Variants in RP1 observed in about 807,000 individuals in gnomAD.
RP1 encodes the protein RP1 axonemal microtubule associated.
A neutral mutation model predicts 14.8 loss-of-function variants in RP1; 16 were observed. The observed-to-expected ratio is 1.08, with a 90% CI of 0.73 to 1.65. RP1 has a LOEUF of 1.65. Among genes scored for constraint, RP1 ranks in the 40% most tolerant of loss-of-function variants. The pLI, the probability that RP1 is intolerant of heterozygous loss-of-function variation, is 0.00. For synonymous variants in RP1, 876 were observed against 883.6 expected (o/e 0.99, Z 0.15); for missense variants, 2,631 against 2,535.0 (o/e 1.04, Z -0.81).
chr8:54,682,080 A>G (rs1807447991), intron 12 of RP1, among the ~76,000 whole-genome samples: 1 of 152,014 alleles, frequency 6.6e-6, no homozygotes, highest in Non-Finnish European at 1.5e-5. Flanking sequence ...TGCTGGGCCA[A>G]ATGGTGTTTC....
At chr8:54,871,086 T>C (rs1812579763) in exon 29 of RP1, 1 of 152,168 alleles carries the variant, frequency 6.6e-6, no homozygotes, top group Non-Finnish European at 1.5e-5. Context: ...ATTTTCTTCC[T>C]TGAACTGTGT....
At chr8:54,563,838 C>G (rs2129290543) in intron 1 of RP1, among the ~76,000 whole-genome samples, 1 of 152,284 alleles carries the variant, frequency 6.6e-6, no homozygotes, top group East Asian at 1.9e-4. Flanking sequence ...CATGAGCCAC[C>G]ACGCCCGGCC....
intron 12 of RP1, among the ~76,000 whole-genome samples, chr8:54,698,848 T>G (rs1040591055): frequency 2.7e-5 from 4 of 150,800 alleles, no homozygotes; most frequent in African/African-American, 2.4e-5. Flanking sequence ...TGAGAACACA[T>G]GGACATAGGG....
At chr8:54,836,627 GA>G (rs1287797875) in intron 24 of RP1, among the ~76,000 whole-genome samples, 2 of 152,306 alleles carry the variant, frequency 1.3e-5, no homozygotes, top group South Asian at 2.1e-4. Flanking sequence ...CTAACAGCGT[GA>G]ATAAGCTTGG....
Position 54,628,347 on chromosome 8 carries a change from G to T in RP1, c.4465G>T (p.Ala1489Ser), listed in dbSNP as rs779851782. 6.2e-7 allele frequency: 1 copy of T among 1,613,776 alleles called. No individual in the cohort carries two copies. Among genetic ancestry groups the T allele is most frequent in the Admixed American group, 1.7e-5 (1 of 60,014 alleles). ...FNTVVNGGEQ[A>S]TEELIQEEVE... ...TACAGTGGTAAATGGAGGAGAGCAA[G>T]CCACTGAAGAATTAATCCAAGAAGA... The change falls in exon 4 of 4, where the codon GCC becomes TCC. Residue 1489 changes from alanine (A) to serine (S), a missense_variant. Coordinates refer to ENST00000220676, the MANE Select transcript of RP1 (RefSeq NM_006269.2).
chr8:54,624,650 T>C lies in RP1; in HGVS notation c.788-20T>C. ...ATTATATTTTGATGTGGGCACCTTTTACTCTTAAAATCTTTAAAGTAAGCA... is the reference window on the plus strand; with the variant it reads ...ATTATATTTTGATGTGGGCACCTTTCACTCTTAAAATCTTTAAAGTAAGCA... On this transcript the variant is annotated intron_variant, in intron 3 of 3. Coordinates refer to ENST00000220676, the MANE Select transcript of RP1 (RefSeq NM_006269.2). 6.2e-7 allele frequency: 1 copy of C among 1,613,268 alleles called. No individual in the cohort carries two copies. Among genetic ancestry groups the C allele is most frequent in the Middle Eastern group, 1.7e-4 (1 of 5,926 alleles).
intron 2 of RP1, 49 bp downstream of exon 2, chr8:54,621,630 A>G (rs756056177): frequency 2.5e-6 from 4 of 1,612,602 alleles, no homozygotes; most frequent in Non-Finnish European, 3.4e-6. Flanking sequence ...TGAGCACCCT[A>G]CTAATTGGAT....
At chr8:54,783,874 A>G (rs997958563) in intron 24 of RP1, among the ~76,000 whole-genome samples, 5 of 152,180 alleles carry the variant, frequency 3.3e-5, no homozygotes, top group African/African-American at 1.2e-4. Context: ...GGGAAACAGT[A>G]ATAACAACAG....
At chr8:54,698,352 A>G (rs1430008971) in intron 12 of RP1, among the ~76,000 whole-genome samples, 1 of 152,250 alleles carries the variant, frequency 6.6e-6, no homozygotes, top group Non-Finnish European at 1.5e-5. Flanking sequence ...ACCTCCAGCC[A>G]GTTAGAATGA....
upstream of RP1, among the ~76,000 whole-genome samples, chr8:54,612,119 G>A (rs923262909): frequency 1.1e-4 from 16 of 151,888 alleles, no homozygotes; most frequent in African/African-American, 3.4e-4. Flanking sequence ...CTAAAATGGG[G>A]TAGATGATTT....
At chr8:54,755,683 T>G (rs1809488846) in exon 21 of RP1, 9 of 1,535,862 alleles carry the variant, frequency 5.9e-6, no homozygotes, top group Non-Finnish European at 7.8e-6. Context: ...AGTCTGAGGT[T>G]TTCCTCTGTC....
chr8:54,749,079 G>T (rs563041219), intron 19 of RP1, among the ~76,000 whole-genome samples: 3 of 152,006 alleles, frequency 2.0e-5, no homozygotes, highest in African/African-American at 7.3e-5. Context: ...TATTTATTTT[G>T]TTTAGGATTA....
intron 24 of RP1, among the ~76,000 whole-genome samples, chr8:54,836,532 T>A (rs1051256879): frequency 6.6e-6 from 1 of 152,212 alleles, no homozygotes; most frequent in African/African-American, 2.4e-5. Flanking sequence ...GGGTTTGATG[T>A]GCCCTTGGTA....
At chr8:54,852,654 G>A (rs1812082567) in exon 26 of RP1, 7 of 1,231,224 alleles carry the variant, frequency 5.7e-6, no homozygotes, top group African/African-American at 1.6e-5. Context: ...CAACCTCATC[G>A]GTACCAGAGG....
downstream of RP1, among the ~76,000 whole-genome samples, chr8:54,774,105 T>C (rs1809976503): frequency 6.6e-6 from 1 of 152,158 alleles, no homozygotes; most frequent in Admixed American, 6.5e-5. Context: ...GAGTCAACTA[T>C]AGATAGTTTT....
At position 54,669,704 on chromosome 8, in the gene RP1, A is replaced by C. The variant is rs1374305100; in HGVS notation, c.1324-4146A>C. On this transcript the variant is annotated intron_variant, in intron 7 of 22. Transcript: ENST00000636932. ...ATGGAATACTCTGCAGCCATAAAAA[A>C]GGATGAGTTCATGTCCTTTACAGGG... is the stretch of plus-strand genomic sequence containing the variant. Among the ~76,000 whole-genome samples the C allele has an allele frequency of 2.0e-5, 3 of 152,234 alleles. No homozygotes were observed. In the East Asian group the frequency reaches 5.8e-4, roughly 29 times the overall value.
chr8:54,840,842 T>A (rs1811774790), intron 25 of RP1, among the ~76,000 whole-genome samples: 1 of 152,094 alleles, frequency 6.6e-6, no homozygotes, highest in South Asian at 2.1e-4. Flanking sequence ...AACCATTTCT[T>A]AAGGTATTTT....
At chr8:54,781,072 G>T (rs1365930843) in intron 23 of RP1, 3 of 983,706 alleles carry the variant, frequency 3.0e-6, no homozygotes, top group Middle Eastern at 5.2e-4. Context: ...AGCCTCCTAA[G>T]GCTGTGGTTT....
intron 24 of RP1, among the ~76,000 whole-genome samples, chr8:54,806,187 T>G (rs1563381714): frequency 6.6e-6 from 1 of 151,958 alleles, no homozygotes; most frequent in African/African-American, 2.4e-5. Flanking sequence ...CCCAGCTAAT[T>G]TTTGTATTTT....
Sources: gnomAD v4.1 joint callset for allele counts (sites outside exome capture counted in the v4.1 genomes callset) on GRCh38, gnomAD v4.1.1 for gene constraint, MANE v1.5 for transcripts, NCBI Gene and HGNC (gene_info 2026-07-23, HGNC 2026-07-21) for gene names.